ALG8: variants seen among roughly 807,000 people sequenced by gnomAD.
ALG8 encodes ALG8 alpha-1,3-glucosyltransferase.
Under a neutral mutation model 70.2 loss-of-function variants are expected in ALG8, and 48 were observed. The ratio of observed to expected loss-of-function variants is 0.68; its 90% confidence interval spans 0.54 to 0.87. The LOEUF (loss-of-function observed/expected upper bound fraction) is 0.87. Ranked by LOEUF, ALG8 falls within the 40% of genes least tolerant of loss-of-function variation. The pLI, the probability that ALG8 is intolerant of heterozygous loss-of-function variation, is 0.00. For synonymous variants in ALG8, 234 were observed against 229.0 expected (o/e 1.02, Z -0.20); for missense variants, 572 against 608.7 (o/e 0.94, Z 0.64).
At chr11:78,129,306 GC>G (rs1201344871) in intron 1 of ALG8, among the ~76,000 whole-genome samples, 1 of 151,626 alleles carries the variant, frequency 6.6e-6, no homozygotes, top group Non-Finnish European at 1.5e-5. Context: ...TGTAGTCCCA[GC>G]TACTCAGGAG....
At chr11:78,135,079 C>T (rs1451768552) in intron 1 of ALG8, among the ~76,000 whole-genome samples, 1 of 152,210 alleles carries the variant, frequency 6.6e-6, no homozygotes, top group Non-Finnish European at 1.5e-5. Flanking sequence ...ACTGATTGGG[C>T]ATGGTGGCTC....
intron 8 of ALG8, among the ~76,000 whole-genome samples, chr11:78,110,904 C>A (rs1279096596): frequency 2.0e-5 from 3 of 152,206 alleles, no homozygotes; most frequent in Non-Finnish European, 4.4e-5. Context: ...TGTAAAACAT[C>A]TTCAAAGACA....
At chr11:78,120,492 TA>T (rs113708680) in intron 4 of ALG8, among the ~76,000 whole-genome samples, 10,577 of 152,258 alleles carry the variant, frequency 0.069, 1,220 homozygotes, top group African/African-American at 0.24. Context: ...CTCATGGTTC[TA>T]AAGCTGCTAA....
chr11:78,125,504 A>G (rs1380513542), intron 2 of ALG8, among the ~76,000 whole-genome samples: 3 of 149,612 alleles, frequency 2.0e-5, no homozygotes, highest in East Asian at 2.0e-4. Flanking sequence ...AGTGGCTCAC[A>G]CCTGTAATCC....
intron 5 of ALG8, among the ~76,000 whole-genome samples, chr11:78,115,104 C>T (rs1860497470): frequency 6.6e-6 from 1 of 152,160 alleles, no homozygotes. Flanking sequence ...ACAATCCTGA[C>T]TCACTGCAGC....
chr11:78,134,824 T>G (rs900188051), intron 1 of ALG8, among the ~76,000 whole-genome samples: 1 of 152,236 alleles, frequency 6.6e-6, no homozygotes, highest in East Asian at 1.9e-4. Context: ...TCCCATGACA[T>G]CTGCAGTTAC....
At chr11:78,104,096 G>A (rs141393329) in intron 11 of ALG8, 44 bp from the exon 12 acceptor site, 1 of 1,235,990 alleles carries the variant, frequency 8.1e-7, no homozygotes, top group African/African-American at 1.5e-5. Flanking sequence ...GCTGATGACA[G>A]AAAGACTTAT....
At chr11:78,125,940 A>G (rs903937551) in intron 2 of ALG8, among the ~76,000 whole-genome samples, 3 of 152,050 alleles carry the variant, frequency 2.0e-5, no homozygotes, top group Non-Finnish European at 4.4e-5. Flanking sequence ...CGGGCAGATC[A>G]CAAGGTCAGG....
chr11:78,108,777 G>A lies in ALG8; in HGVS notation c.1038+665C>T, dbSNP rs142137001. 5.6e-4 allele frequency among the ~76,000 whole-genome samples: 86 copies of A among 152,312 alleles called. 1 individual carries two copies. Among genetic ancestry groups the A allele is most frequent in the African/African-American group, 2.0e-3 (83 of 41,570 alleles). On this transcript the variant is annotated intron_variant, in intron 9 of 12. Transcript: ENST00000299626. ...ACTGTCATGTAATTAAGTGGAATCA[G>A]GTGGTTGCTAGCAGGTTTGAAACAT...
In ALG8 at chr11:78,114,167, T is replaced by A. The variant is rs888311317; in HGVS notation, c.673+99A>T. On this transcript the variant is annotated intron_variant, in intron 6 of 12. Coordinates refer to ENST00000299626, the MANE Select transcript of ALG8 (RefSeq NM_024079.5). ...GCTTACAGGATTAGCAGCTGAGATA[T>A]CTGCTGTGCTTCATAAAACCTTCTT... is the stretch of plus-strand genomic sequence containing the variant. 2.6e-6 allele frequency: 4 copies of A among 1,511,562 alleles called. No homozygotes were observed. In the Admixed American group the frequency reaches 5.3e-5, roughly 20 times the overall value. The allele number at this position is 1,511,562 out of a possible 1,614,324, so 93.6% of individuals were successfully genotyped here.
chr11:78,122,239 C>T (rs745942654), intron 3 of ALG8, among the ~76,000 whole-genome samples: 1 of 152,108 alleles, frequency 6.6e-6, no homozygotes, highest in Non-Finnish European at 1.5e-5. Context: ...GCCTCAGTTC[C>T]CTCATGAATA....
At chr11:78,127,204 CCT>C (rs1861118698) in intron 2 of ALG8, among the ~76,000 whole-genome samples, 152 bp downstream of exon 2, 1 of 151,960 alleles carries the variant, frequency 6.6e-6, no homozygotes, top group African/African-American at 2.4e-5. Flanking sequence ...GTCTCCAACC[CCT>C]GACCTCATGA....
intron 1 of ALG8, among the ~76,000 whole-genome samples, chr11:78,131,356 A>G (rs1412136569): frequency 2.0e-5 from 3 of 152,200 alleles, no homozygotes; most frequent in East Asian, 3.9e-4. Flanking sequence ...TAATCCCAGT[A>G]CTTTGGGAGG....
Position 78,112,718 on chromosome 11 carries a change from C to G in ALG8, c.830G>C (p.Cys277Ser). Residue 277 changes from cysteine to serine, a missense_variant, in exon 8 of 13, where the codon TGT becomes TCT. Physicochemically the swap from Cys to Ser is moderately radical, Grantham distance 112. Transcript: ENST00000299626. ...SRLFPFKRGL[C>S]HAYWAPNFWA... The stretch of plus-strand genomic sequence containing the variant: ...GAAGTTTGGAGCCCAATATGCATGA[C>G]AGAGGCCCCTCTTGAAAGGAAAGAG... 4.3e-6 allele frequency: 7 copies of G among 1,614,084 alleles called. No homozygotes were observed. The highest frequency in any genetic ancestry group is 5.9e-6 in the Non-Finnish European group (7 of 1,179,966).
At chr11:78,122,777 A>T (rs1479308973) in intron 3 of ALG8, among the ~76,000 whole-genome samples, 1 of 152,242 alleles carries the variant, frequency 6.6e-6, no homozygotes, top group Non-Finnish European at 1.5e-5. Flanking sequence ...TATATTAAAA[A>T]TTACCTTCCC....
In ALG8 at chr11:78,106,816, A is replaced by T. The variant is rs1860054076; in HGVS notation, c.1169T>A (p.Leu390His). Reference protein sequence around the residue: ...VHEKAILLAILPMSLLSVGKA... With the variant: ...VHEKAILLAIHPMSLLSVGKA... ...TGAGCTATCTGCTTACCTCATTGGG[A>T]GAATTGCTAGAAGTATGGCTTTTTC... The change falls in exon 10 of 13, where the codon CTC (leucine) becomes CAC (histidine). Residue 390 changes from leucine to histidine, a missense_variant. Physicochemically the swap from Leu to His is moderately conservative, Grantham distance 99. Transcript: ENST00000299626. The T allele has an allele frequency of 6.2e-7, 1 of 1,613,948 alleles. No individual in the cohort carries two copies. The highest frequency in any genetic ancestry group is 1.3e-5 in the African/African-American group (1 of 74,914).
At chr11:78,109,387 A>G in intron 9 of ALG8, 55 bp downstream of exon 9, 1 of 1,610,726 alleles carries the variant, frequency 6.2e-7, no homozygotes, top group Non-Finnish European at 8.5e-7. Context: ...AATCAGCCAG[A>G]CAAAAGAAAA....
chr11:78,105,431 G>T (rs1026212370), intron 10 of ALG8, among the ~76,000 whole-genome samples: 1 of 152,040 alleles, frequency 6.6e-6, no homozygotes, highest in Non-Finnish European at 1.5e-5. Context: ...TAAGATTCAG[G>T]TCCTAACTCT....
chr11:78,108,301 A>T (rs1175871440), intron 9 of ALG8, among the ~76,000 whole-genome samples: 1 of 151,762 alleles, frequency 6.6e-6, no homozygotes, highest in Non-Finnish European at 1.5e-5. Context: ...ACAAAAACAA[A>T]AACAAAACTA....
Sources: gnomAD v4.1 joint callset for allele counts (sites outside exome capture counted in the v4.1 genomes callset) on GRCh38, gnomAD v4.1.1 for gene constraint, MANE v1.5 for transcripts, NCBI Gene and HGNC (gene_info 2026-07-23, HGNC 2026-07-21) for gene names.